DNAAF5: variants seen among roughly 807,000 people sequenced by gnomAD.
DNAAF5 encodes the protein dynein axonemal assembly factor 5.
In DNAAF5, 64 loss-of-function variants were observed where a neutral mutation model predicts 75.8. That is an observed-to-expected ratio of 0.84 (90% confidence interval 0.69 to 1.04). DNAAF5 has a LOEUF of 1.04. Ranked by LOEUF, DNAAF5 falls within the 50% of genes least tolerant of loss-of-function variation. The probability of loss-of-function intolerance (pLI) is 0.00; values close to 1 mark genes in which losing one functional copy is unlikely to be tolerated. For synonymous variants in DNAAF5, 657 were observed against 557.2 expected (o/e 1.18, Z -2.52); for missense variants, 1,269 against 1,178.5 (o/e 1.08, Z -1.12).
chr7:746,111 T>A (rs1319080877), intron 4 of DNAAF5, among the ~76,000 whole-genome samples: 1 of 152,216 alleles, frequency 6.6e-6, no homozygotes, highest in Admixed American at 6.5e-5. Context: ...ATTTCTCAGA[T>A]TTTTTTCTAC....
At chr7:775,271 G>A (rs555361613) in intron 11 of DNAAF5, 109 bp downstream of exon 11, 23 of 1,016,908 alleles carry the variant, frequency 2.3e-5, no homozygotes, top group African/African-American at 2.1e-4. Flanking sequence ...AAACTATCTC[G>A]GGCTGGGTGT....
intron 2 of DNAAF5, among the ~76,000 whole-genome samples, chr7:739,604 C>T (rs941364172): frequency 1.3e-5 from 2 of 152,228 alleles, no homozygotes; most frequent in African/African-American, 2.4e-5. Context: ...CGCCGAGAGT[C>T]GCCTGTGCGC....
In DNAAF5 at chr7:747,789, C is replaced by T. The variant is rs546374283; in HGVS notation, c.1024+6324C>T. Among the ~76,000 whole-genome samples, 92 of 12,576 alleles carry T rather than the reference C, an allele frequency of 7.3e-3. 9 individuals carry two copies. Among genetic ancestry groups the T allele is most frequent in the African/African-American group, 0.027 (87 of 3,238 alleles). 8.3% of individuals were successfully genotyped at this position (12,576 alleles called of 152,430 possible). A position where few individuals can be genotyped will look rare whatever the true frequency, so the allele number is the denominator to read the frequency against. On this transcript the variant is annotated intron_variant, in intron 4 of 12. Transcript: ENST00000297440. Reference sequence around the variant, plus strand: ...TGTTGGTGGGGTTTGCTGGTTTCAGCGTGTCCGGCTGGTGTGCAGTGTTGT... The same window carrying T: ...TGTTGGTGGGGTTTGCTGGTTTCAGTGTGTCCGGCTGGTGTGCAGTGTTGT...
chr7:765,931 C>T lies in DNAAF5; in HGVS notation c.1783+1957C>T, dbSNP rs149726867. Among the ~76,000 whole-genome samples the T allele has an allele frequency of 3.1e-3, 478 of 152,222 alleles. 4 individuals are homozygous for T. The highest frequency in any genetic ancestry group is 0.011 in the African/African-American group (455 of 41,552). ...CTAGTCTTGAACTCCTGGGCTCAAG[C>T]GATCCTCCTGCCTCAGCCTCCTGAG... On this transcript the variant is annotated intron_variant, in intron 8 of 12. Coordinates refer to ENST00000297440, the MANE Select transcript of DNAAF5 (RefSeq NM_017802.4).
chr7:730,465 C>A (rs1303705665), intron 2 of DNAAF5, among the ~76,000 whole-genome samples: 2 of 152,210 alleles, frequency 1.3e-5, no homozygotes, highest in African/African-American at 4.8e-5. Context: ...CGTAGTCAGA[C>A]ATGTGATCTT....
At position 726,800 on chromosome 7, in the gene DNAAF5, T is replaced by C. The variant is rs1215674556; in HGVS notation, c.80T>C (p.Leu27Pro). ...GCCGAGACGGCTGAGGCGGTGGAGC[T>C]GAGCCGCGCCCTGAGCCGCCTGCTG... Reference protein sequence around the residue: ...EGAETAEAVELSRALSRLLPG... With the variant: ...EGAETAEAVEPSRALSRLLPG... Residue 27 changes from leucine to proline, a missense_variant, in exon 1 of 13, where the codon CTG becomes CCG. By Grantham distance (98) the Leu-to-Pro change is moderately conservative. Transcript: ENST00000297440. 3.1e-6 allele frequency: 4 copies of C among 1,302,264 alleles called. No homozygotes were observed. The African/African-American group carries it at 6.2e-5, about 20-fold the overall frequency. The allele number at this position is 1,302,264 out of a possible 1,614,324, so 80.7% of individuals were successfully genotyped here.
At chr7:749,881 T>C (rs1477035717) in intron 4 of DNAAF5, among the ~76,000 whole-genome samples, 2 of 152,132 alleles carry the variant, frequency 1.3e-5, no homozygotes, top group African/African-American at 4.8e-5. Flanking sequence ...GTGTTTTTAG[T>C]AGAGACAGGG....
intron 11 of DNAAF5, among the ~76,000 whole-genome samples, chr7:777,989 A>T (rs552506345): frequency 6.6e-6 from 1 of 152,224 alleles, no homozygotes; most frequent in African/African-American, 2.4e-5. Flanking sequence ...ATGGTGCCTC[A>T]GAATCTTCCA....
Position 786,456 on chromosome 7 carries a change from A to T in DNAAF5, c.*803A>T, listed in dbSNP as rs1239212074. The T allele has an allele frequency of 6.6e-6, 1 of 152,232 alleles. No individual in the cohort carries two copies. Among genetic ancestry groups the T allele is most frequent in the Non-Finnish European group, 1.5e-5 (1 of 68,052 alleles). The allele number at this position is 152,232 out of a possible 1,614,324, so 9.4% of individuals were successfully genotyped here. On this transcript the variant is annotated 3_prime_UTR_variant, in exon 13 of 13. Coordinates refer to ENST00000297440, the MANE Select transcript of DNAAF5 (RefSeq NM_017802.4). The stretch of plus-strand genomic sequence containing the variant: ...TTATACTTTCATGTTTGAAAATTTA[A>T]TTAAAAATGTTTGTTTTAATGATTG...
chr7:777,305 C>T (rs373645942), intron 11 of DNAAF5, among the ~76,000 whole-genome samples: 34 of 152,218 alleles, frequency 2.2e-4, no homozygotes, highest in African/African-American at 8.2e-4. Flanking sequence ...ACCGAAGACC[C>T]GGCGCTAAGG....
At chr7:763,718 G>A (rs936295512) in intron 7 of DNAAF5, 88 bp from the exon 8 acceptor site, 51 of 1,431,946 alleles carry the variant, frequency 3.6e-5, no homozygotes, top group African/African-American at 4.2e-5. Flanking sequence ...TGGTTCTTAC[G>A]CGTGAGGGGG....
At chr7:741,261 T>C (rs1781899868) in intron 3 of DNAAF5, 86 bp from the exon 4 acceptor site, 2 of 1,004,412 alleles carry the variant, frequency 2.0e-6, no homozygotes, top group South Asian at 3.0e-5. Context: ...AATGGGGTCT[T>C]TGGGTGACCC....
chr7:762,848 A>T (rs1429635308), intron 7 of DNAAF5, among the ~76,000 whole-genome samples: 1 of 152,198 alleles, frequency 6.6e-6, no homozygotes, highest in Non-Finnish European at 1.5e-5. Flanking sequence ...TCCTGACTGC[A>T]GGTGATCCAC....
At chr7:744,183 T>C (rs1223976948) in intron 4 of DNAAF5, among the ~76,000 whole-genome samples, 1 of 152,186 alleles carries the variant, frequency 6.6e-6, no homozygotes, top group Non-Finnish European at 1.5e-5. Context: ...AGTGAGAATA[T>C]GCGGCGTTTG....
chr7:740,992 T>C, intron 3 of DNAAF5, 49 bp downstream of exon 3: 12 of 1,596,148 alleles, frequency 7.5e-6, no homozygotes, highest in Non-Finnish European at 1.0e-5. Context: ...CGGTCATGTG[T>C]AGCAGTGGTG....
chr7:775,565 C>T (rs1778734291), intron 11 of DNAAF5, among the ~76,000 whole-genome samples: 2 of 151,764 alleles, frequency 1.3e-5, no homozygotes, highest in South Asian at 4.2e-4. Context: ...CATGTTTGTG[C>T]ATTTATACAT....
At chr7:780,618 A>G (rs1778904498) in intron 12 of DNAAF5, among the ~76,000 whole-genome samples, 1 of 152,134 alleles carries the variant, frequency 6.6e-6, no homozygotes, top group African/African-American at 2.4e-5. Flanking sequence ...CTTCAAGTGT[A>G]GTTGGACAAA....
At chr7:761,996 C>T (rs1782665000) in intron 7 of DNAAF5, 100 bp downstream of exon 7, 1 of 100,146 alleles carries the variant, frequency 1.0e-5, no homozygotes, top group Non-Finnish European at 1.5e-5. Flanking sequence ...CCCCTCTGTG[C>T]TTGACCAGCA....
At chr7:735,145 T>C (rs1250553262) in intron 2 of DNAAF5, among the ~76,000 whole-genome samples, 3 of 151,016 alleles carry the variant, frequency 2.0e-5, no homozygotes, top group Non-Finnish European at 4.4e-5. Flanking sequence ...CACGATGTCA[T>C]TGCTCACGGT....
Sources: gnomAD v4.1 joint callset for allele counts (sites outside exome capture counted in the v4.1 genomes callset) on GRCh38, gnomAD v4.1.1 for gene constraint, MANE v1.5 for transcripts, NCBI Gene and HGNC (gene_info 2026-07-23, HGNC 2026-07-21) for gene names.